RASAL2: variants seen among roughly 807,000 people sequenced by gnomAD.
RASAL2 encodes the protein RAS protein activator like 2, also known as ras GTPase-activating protein nGAP.
Under a neutral mutation model 128.9 loss-of-function variants are expected in RASAL2, and 58 were observed. That is an observed-to-expected ratio of 0.45 (90% CI 0.36 to 0.56). The LOEUF (loss-of-function observed/expected upper bound fraction) is 0.56. RASAL2 is among the 20% of genes least tolerant of loss of function. The probability of loss-of-function intolerance (pLI) is 0.00; values close to 1 mark genes in which losing one functional copy is unlikely to be tolerated. For synonymous variants in RASAL2, 561 were observed against 580.8 expected, an observed-to-expected ratio of 0.97 and a Z score of 0.49; for missense variants, 1,360 against 1,601.6, an observed-to-expected ratio of 0.85 and a Z score of 2.57.
chr1:178,164,425 G>A (rs1661440867), intron 1 of RASAL2, among the ~76,000 whole-genome samples: 2 of 151,864 alleles, frequency 1.3e-5, no homozygotes, highest in Admixed American at 6.6e-5. Flanking sequence ...AAATCTTCAG[G>A]GGAAATGTAT....
At chr1:178,121,204 CTT>C (rs1368111060) in intron 1 of RASAL2, 1 of 152,086 alleles carries the variant, frequency 6.6e-6, no homozygotes, top group African/African-American at 2.4e-5. Context: ...TGAATAAATT[CTT>C]TCTTATCTCT....
intron 3 of RASAL2, chr1:178,341,561 A>G: frequency 6.2e-7 from 1 of 1,613,902 alleles, no homozygotes; most frequent in South Asian, 1.1e-5. Flanking sequence ...GGCGTGCCGG[A>G]AAGATCATGT....
rs1648472090 is a variant in RASAL2 at position 178,473,585 on chromosome 1, A to T, written c.*346A>T. 4.6e-5 allele frequency: 13 copies of T among 284,692 alleles called. No individual in the cohort carries two copies. The South Asian group carries it at 5.4e-4, about 12-fold the overall frequency. 17.6% of individuals were successfully genotyped at this position (284,692 alleles called of 1,614,324 possible). On this transcript the variant is annotated 3_prime_UTR_variant, in exon 18 of 18. Coordinates refer to ENST00000367649, the MANE Select transcript of RASAL2 (RefSeq NM_170692.4). ...TCTTGTTGAAAGCACTGCAGTTGTTACAGGAAGTAAAGTAGGAACTGTTGT... is the reference window on the plus strand; with the variant it reads ...TCTTGTTGAAAGCACTGCAGTTGTTTCAGGAAGTAAAGTAGGAACTGTTGT...
chr1:178,336,865 G>A (rs1669611395), intron 3 of RASAL2, among the ~76,000 whole-genome samples: 1 of 151,990 alleles, frequency 6.6e-6, no homozygotes, highest in Non-Finnish European at 1.5e-5. Flanking sequence ...AAAAGTGTTG[G>A]TTTTGTTCTT....
intron 2 of RASAL2, among the ~76,000 whole-genome samples, chr1:178,285,522 C>T (rs1666987766): frequency 6.6e-6 from 1 of 152,154 alleles, no homozygotes; most frequent in Non-Finnish European, 1.5e-5. Flanking sequence ...GTTATCATCT[C>T]CCTACCTGTA....
intron 1 of RASAL2, among the ~76,000 whole-genome samples, chr1:178,129,402 A>T (rs1660019765): frequency 6.6e-6 from 1 of 152,046 alleles, no homozygotes. Flanking sequence ...TCTTTACTGA[A>T]GTGTCACTTC....
chr1:178,150,829 T>G (rs1450590952), intron 1 of RASAL2, among the ~76,000 whole-genome samples: 1 of 152,072 alleles, frequency 6.6e-6, no homozygotes, highest in Non-Finnish European at 1.5e-5. Context: ...CCAGATGAGG[T>G]GGGAAAAAAG....
chr1:178,404,573 G>C (rs1673872046), intron 4 of RASAL2, among the ~76,000 whole-genome samples: 1 of 151,924 alleles, frequency 6.6e-6, no homozygotes, highest in South Asian at 2.1e-4. Flanking sequence ...TAGAGACAGG[G>C]TTTCACCATG....
chr1:178,415,170 A>G (rs904469557), intron 4 of RASAL2, among the ~76,000 whole-genome samples: 1 of 151,770 alleles, frequency 6.6e-6, no homozygotes, highest in South Asian at 2.1e-4. Flanking sequence ...TTGGGTTTAG[A>G]TCTTTCTTCT....
At chr1:178,347,989 T>C (rs956630988) in intron 3 of RASAL2, among the ~76,000 whole-genome samples, 1 of 152,248 alleles carries the variant, frequency 6.6e-6, no homozygotes, top group Non-Finnish European at 1.5e-5. Flanking sequence ...AAACCACTGC[T>C]TCATGTGACA....
intron 1 of RASAL2, among the ~76,000 whole-genome samples, chr1:178,268,280 C>T (rs1666075386): frequency 6.6e-6 from 1 of 151,974 alleles, no homozygotes; most frequent in Admixed American, 6.6e-5. Flanking sequence ...CCATCCTGGC[C>T]AACATGGTGA....
rs149706870 is a variant in RASAL2, at chr1:178,249,623, G to A, written c.203-33941G>A. The stretch of plus-strand genomic sequence containing the variant: ...TGATCATTTGGAGAAGAGGCATTCT[G>A]GTTCTTGGAATTTTCAGCATTTTTG... On this transcript the variant is annotated intron_variant, in intron 1 of 17. Transcript: ENST00000367649. 6.8e-3 allele frequency among the ~76,000 whole-genome samples: 1,041 copies of A among 152,036 alleles called. 3 individuals are homozygous for A. Among genetic ancestry groups the A allele is most frequent in the Non-Finnish European group, 0.011 (766 of 67,976 alleles).
At chr1:178,159,003 G>A (rs1198404283) in intron 1 of RASAL2, among the ~76,000 whole-genome samples, 1 of 152,146 alleles carries the variant, frequency 6.6e-6, no homozygotes, top group African/African-American at 2.4e-5. Context: ...TATTTACCCT[G>A]TGAGCTCAAA....
At chr1:178,450,269 A>G (rs1173428030) in intron 9 of RASAL2, among the ~76,000 whole-genome samples, 2 of 152,052 alleles carry the variant, frequency 1.3e-5, no homozygotes, top group African/African-American at 2.4e-5. Context: ...CCTCACCACA[A>G]CTCTACAGGA....
intron 1 of RASAL2, among the ~76,000 whole-genome samples, chr1:178,183,994 T>G (rs1662205720): frequency 6.6e-6 from 1 of 152,198 alleles, no homozygotes; most frequent in Non-Finnish European, 1.5e-5. Flanking sequence ...TTAGCCAGTC[T>G]AATAGGTATG....
intron 1 of RASAL2, among the ~76,000 whole-genome samples, chr1:178,106,712 A>C (rs965459834): frequency 6.6e-6 from 1 of 152,216 alleles, no homozygotes; most frequent in Non-Finnish European, 1.5e-5. Context: ...ATTTCTATTG[A>C]AATAGAAAGA....
At chr1:178,145,963 C>T (rs1005142302) in intron 1 of RASAL2, among the ~76,000 whole-genome samples, 5 of 152,192 alleles carry the variant, frequency 3.3e-5, no homozygotes, top group Non-Finnish European at 5.9e-5. Flanking sequence ...TGAATTGCTA[C>T]TCCAAATCAA....
At chr1:178,337,280 T>TGCTCC (rs1354220385) in intron 3 of RASAL2, among the ~76,000 whole-genome samples, 1 of 152,206 alleles carries the variant, frequency 6.6e-6, no homozygotes, top group Non-Finnish European at 1.5e-5. Flanking sequence ...CCTCCCTTTA[T>TGCTCC]CAGAGAGCAG....
chr1:178,375,049 G>A (rs1671915531), intron 3 of RASAL2, among the ~76,000 whole-genome samples: 1 of 152,128 alleles, frequency 6.6e-6, no homozygotes, highest in African/African-American at 2.4e-5. Flanking sequence ...AAATAAGGCA[G>A]TTCCTAATTG....
Sources: gnomAD v4.1 joint callset for allele counts (sites outside exome capture counted in the v4.1 genomes callset) on GRCh38, gnomAD v4.1.1 for gene constraint, MANE v1.5 for transcripts, NCBI Gene and HGNC (gene_info 2026-07-23, HGNC 2026-07-21) for gene names.